ADAMTSL3: variants seen among roughly 807,000 people sequenced by gnomAD.
ADAMTSL3 encodes ADAMTS-like protein 3.
Under a neutral mutation model 201.7 loss-of-function variants are expected in ADAMTSL3, and 128 were observed. The ratio of observed to expected loss-of-function variants is 0.63; its 90% CI spans 0.55 to 0.73. The LOEUF (loss-of-function observed/expected upper bound fraction) is 0.73. Ranked by LOEUF, ADAMTSL3 falls within the 30% of genes least tolerant of loss-of-function variation. The pLI is 0.00. For synonymous variants in ADAMTSL3, 738 were observed against 748.4 expected (o/e 0.99, Z 0.23); for missense variants, 1,990 against 2,119.6 (o/e 0.94, Z 1.20).
At chr15:83,795,254 ACAGCAGCAG>A (rs1023785083) in intron 4 of ADAMTSL3, among the ~76,000 whole-genome samples, 2 of 97,320 alleles carry the variant, frequency 2.1e-5, no homozygotes, top group East Asian at 4.9e-4. Flanking sequence ...AACAACAACA[ACAGCAGCAG>A]CAACAACAAC....
chr15:83,991,081 T>A lies in ADAMTSL3; in HGVS notation c.3845-5T>A. 1 of 1,614,150 alleles carries A rather than the reference T, an allele frequency of 6.2e-7. No individual in the cohort carries two copies. The highest frequency in any genetic ancestry group is 8.5e-7 in the Non-Finnish European group (1 of 1,179,984). On this transcript the variant is annotated splice_polypyrimidine_tract_variant and splice_region_variant and intron_variant, in intron 22 of 29. Transcript: ENST00000286744. ...AACATAGTTTCCTGCTCCCTTTGAA[T>A]TAAGAGGCACCTGTCATCTTGTCTG...
rs188520647 is a variant in ADAMTSL3 at position 83,962,753 on chromosome 15, G to T, written c.2491-7731G>T. Among the ~76,000 whole-genome samples the T allele has an allele frequency of 2.2e-3, 334 of 149,508 alleles. 2 individuals are homozygous for T. Among genetic ancestry groups the T allele is most frequent in the Non-Finnish European group, 3.3e-3 (218 of 66,964 alleles). ...AGATGGCCAAATAGGAACAGCTCTGGTCTGCAGCTCCCAGTGAGATCAACA... is the reference window on the plus strand; with the variant it reads ...AGATGGCCAAATAGGAACAGCTCTGTTCTGCAGCTCCCAGTGAGATCAACA... On this transcript the variant is annotated intron_variant, in intron 19 of 29. Coordinates refer to ENST00000286744, the MANE Select transcript of ADAMTSL3 (RefSeq NM_207517.3).
chr15:83,887,082 T>A (rs747826788), intron 10 of ADAMTSL3, among the ~76,000 whole-genome samples: 9 of 152,120 alleles, frequency 5.9e-5, no homozygotes, highest in South Asian at 2.1e-4. Flanking sequence ...TCCTGGGAAC[T>A]AACTAGACAT....
At chr15:83,771,887 C>A (rs368591730) in intron 3 of ADAMTSL3, among the ~76,000 whole-genome samples, 12 of 150,116 alleles carry the variant, frequency 8.0e-5, no homozygotes, top group African/African-American at 3.0e-4. Flanking sequence ...GACAGAATCT[C>A]GCTCTGTCAC....
chr15:83,938,041 T>C (rs1262683196), intron 17 of ADAMTSL3, among the ~76,000 whole-genome samples: 1 of 147,190 alleles, frequency 6.8e-6, no homozygotes, highest in Non-Finnish European at 1.5e-5. Flanking sequence ...TACTGTCACA[T>C]TGTAAAGATA....
At chr15:83,703,173 G>T (rs1027148214) in intron 2 of ADAMTSL3, among the ~76,000 whole-genome samples, 1 of 152,154 alleles carries the variant, frequency 6.6e-6, no homozygotes, top group Non-Finnish European at 1.5e-5. Context: ...TGGAATGGCT[G>T]TGTTTATCCA....
intron 3 of ADAMTSL3, among the ~76,000 whole-genome samples, chr15:83,758,939 T>C (rs1345404143): frequency 6.6e-6 from 1 of 152,168 alleles, no homozygotes; most frequent in African/African-American, 2.4e-5. Context: ...GAATAGGGCT[T>C]AGGCAGTTGT....
intron 3 of ADAMTSL3, among the ~76,000 whole-genome samples, chr15:83,768,524 A>C (rs1356161686): frequency 6.6e-6 from 1 of 152,184 alleles, no homozygotes; most frequent in African/African-American, 2.4e-5. Flanking sequence ...TAAAATGTGC[A>C]AATTTCGATG....
At chr15:83,903,242 C>CTTTTTTTTTT (rs3044648) in intron 15 of ADAMTSL3, among the ~76,000 whole-genome samples, 69 of 133,428 alleles carry the variant, frequency 5.2e-4, no homozygotes, top group Admixed American at 1.2e-3. Context: ...GCTGCCAGAT[C>CTTTTTTTTTT]TTTTTTTTTT....
At chr15:83,889,679 A>G (rs568342758) in intron 10 of ADAMTSL3, among the ~76,000 whole-genome samples, 2 of 152,198 alleles carry the variant, frequency 1.3e-5, no homozygotes, top group East Asian at 1.9e-4. Context: ...CGTGGTGACA[A>G]TGAGGAGAAA....
Position 83,892,761 on chromosome 15 carries a change from A to C in ADAMTSL3, c.1340A>C (p.Glu447Ala). The change falls in exon 13 of 30, where the codon GAG (glutamate) becomes GCG (alanine). Residue 447 changes from glutamate to alanine, a missense_variant. By Grantham distance (107) the Glu-to-Ala change is moderately radical (BLOSUM62 -1). Coordinates refer to ENST00000286744, the MANE Select transcript of ADAMTSL3 (RefSeq NM_207517.3). ...GIQRRSFVCV[E>A]ESMHGEILQV... ...CAGAGACGGAGCTTTGTGTGTGTAGAGGAATCCATGCATGGAGAGATATTG... is the reference window on the plus strand; with the variant it reads ...CAGAGACGGAGCTTTGTGTGTGTAGCGGAATCCATGCATGGAGAGATATTG... 1 of 1,614,162 alleles carries C rather than the reference A, an allele frequency of 6.2e-7. No individual in the cohort carries two copies. The highest frequency in any genetic ancestry group is 8.5e-7 in the Non-Finnish European group (1 of 1,180,012).
chr15:84,005,511 G>T (rs1286769323), intron 23 of ADAMTSL3, among the ~76,000 whole-genome samples: 1 of 152,130 alleles, frequency 6.6e-6, no homozygotes, highest in Non-Finnish European at 1.5e-5. Context: ...ACTACTGAAG[G>T]TTTTTGGTTT....
In ADAMTSL3 at chr15:83,756,142, C is replaced by A. The variant is rs1448835530; in HGVS notation, c.190-17381C>A. Reference sequence around the variant, plus strand: ...ATAATACATCAGACTTTTTGAGGAACTACCGTAATGTTTTCCACAGTGGCT... The same window carrying A: ...ATAATACATCAGACTTTTTGAGGAAATACCGTAATGTTTTCCACAGTGGCT... On this transcript the variant is annotated intron_variant, in intron 3 of 29. Transcript: ENST00000286744. Among the ~76,000 whole-genome samples the A allele has an allele frequency of 2.0e-5, 3 of 152,224 alleles. No homozygotes were observed. In the East Asian group the frequency reaches 5.8e-4, roughly 29 times the overall value.
Position 83,769,046 on chromosome 15 carries a change from A to G in ADAMTSL3, c.190-4477A>G, listed in dbSNP as rs114452522. 4.9e-3 allele frequency among the ~76,000 whole-genome samples: 751 copies of G among 152,268 alleles called. 4 individuals are homozygous for G. The highest frequency in any genetic ancestry group is 0.017 in the African/African-American group (712 of 41,562). On this transcript the variant is annotated intron_variant, in intron 3 of 29. Transcript: ENST00000286744. ...CTTACCTATCCAATCAGAGAAGCCA[A>G]ATGCTTGCACTTATAACATGCCTAT...
At chr15:83,722,175 G>A (rs1386261511) in intron 3 of ADAMTSL3, among the ~76,000 whole-genome samples, 1 of 152,182 alleles carries the variant, frequency 6.6e-6, no homozygotes, top group African/African-American at 2.4e-5. Flanking sequence ...GCTGGATTCA[G>A]CAGAGAATCA....
At chr15:83,776,590 G>T (rs1275928786) in intron 4 of ADAMTSL3, among the ~76,000 whole-genome samples, 1 of 152,118 alleles carries the variant, frequency 6.6e-6, no homozygotes, top group Non-Finnish European at 1.5e-5. Flanking sequence ...GGTGGCACAT[G>T]CCTGTAATTC....
chr15:83,756,852 G>A (rs1408092648), intron 3 of ADAMTSL3, among the ~76,000 whole-genome samples: 1 of 152,170 alleles, frequency 6.6e-6, no homozygotes, highest in African/African-American at 2.4e-5. Context: ...AAACAAAGGG[G>A]CTACAGGGCC....
chr15:83,781,195 C>T (rs1216378764), intron 4 of ADAMTSL3, among the ~76,000 whole-genome samples: 4 of 152,080 alleles, frequency 2.6e-5, no homozygotes, highest in African/African-American at 4.8e-5. Context: ...GGCATCATGC[C>T]GCCTGACTTA....
chr15:83,945,221 G>A (rs2066632785), intron 19 of ADAMTSL3, among the ~76,000 whole-genome samples: 2 of 152,084 alleles, frequency 1.3e-5, no homozygotes, highest in African/African-American at 4.8e-5. Flanking sequence ...TGGAGACAGT[G>A]CCAGTGGCCA....
Sources: allele counts gnomAD v4.1 joint callset (sites outside exome capture counted in the v4.1 genomes callset), GRCh38; gene constraint gnomAD v4.1.1; transcripts MANE v1.5; gene names NCBI Gene and HGNC (gene_info 2026-07-23, HGNC 2026-07-21).